Variants in NCOA2 observed in about 807,000 individuals in gnomAD.
NCOA2 encodes nuclear receptor coactivator 2.
A neutral mutation model predicts 145.1 loss-of-function variants in NCOA2; 21 were observed. The observed-to-expected ratio is 0.14, with a 90% CI of 0.10 to 0.21. The LOEUF (loss-of-function observed/expected upper bound fraction) is 0.21. Among genes scored for constraint, NCOA2 ranks in the 10% least tolerant of loss-of-function variants. The pLI is 1.00. For missense variants in NCOA2, 1,472 were observed against 1,837.6 expected (o/e 0.80, Z 3.64); for synonymous variants, 619 against 637.5 (o/e 0.97, Z 0.44).
intron 5 of NCOA2, among the ~76,000 whole-genome samples, chr8:70,171,117 C>T (rs868683818): frequency 6.6e-5 from 10 of 152,192 alleles, no homozygotes; most frequent in African/African-American, 4.8e-5. Flanking sequence ...AACAGTAGCA[C>T]GCTTCCGGTA....
At chr8:70,225,905 A>C (rs1204622456) in intron 2 of NCOA2, among the ~76,000 whole-genome samples, 1 of 152,116 alleles carries the variant, frequency 6.6e-6, no homozygotes, top group Non-Finnish European at 1.5e-5. Context: ...TTCATTTGTA[A>C]AACTGGAGCA....
At chr8:70,241,349 AT>A (rs1822114360) in intron 2 of NCOA2, among the ~76,000 whole-genome samples, 1 of 152,148 alleles carries the variant, frequency 6.6e-6, no homozygotes, top group Non-Finnish European at 1.5e-5. Context: ...AATCTCTGCT[AT>A]CCCAATTTTA....
intron 9 of NCOA2, among the ~76,000 whole-genome samples, chr8:70,161,373 T>C (rs1278616992): frequency 1.3e-5 from 2 of 152,322 alleles, no homozygotes; most frequent in South Asian, 2.1e-4. Flanking sequence ...TGTAATGAAA[T>C]AGTAGGTTAA....
intron 2 of NCOA2, among the ~76,000 whole-genome samples, chr8:70,258,869 A>T (rs1823877896): frequency 6.6e-6 from 1 of 152,254 alleles, no homozygotes; most frequent in Non-Finnish European, 1.5e-5. Context: ...GTAGGAACTC[A>T]ATAAATGTCA....
intron 4 of NCOA2, among the ~76,000 whole-genome samples, chr8:70,204,303 C>T (rs535354476): frequency 9.2e-5 from 14 of 152,174 alleles, no homozygotes; most frequent in African/African-American, 1.7e-4. Context: ...CCACCATGAC[C>T]GGCGAATAGG....
At chr8:70,256,389 G>C (rs542835462) in intron 2 of NCOA2, among the ~76,000 whole-genome samples, 46 of 152,324 alleles carry the variant, frequency 3.0e-4, no homozygotes, top group African/African-American at 1.1e-3. Flanking sequence ...CTAAAGGACA[G>C]ATTTTACAGT....
At chr8:70,449,269 T>G in the NCOA2 span, among the ~76,000 whole-genome samples, 1 of 152,192 alleles carries the variant, frequency 6.6e-6, no homozygotes. Flanking sequence ...CTGCTCTCAT[T>G]TATGCATTTA....
rs767913339 is a variant in NCOA2 at position 70,203,609 on chromosome 8, A to AT, written c.259+10293_259+10294insA. 5.5e-3 allele frequency among the ~76,000 whole-genome samples: 841 copies of AT among 152,264 alleles called. 2 individuals carry two copies. Among genetic ancestry groups the AT allele is most frequent in the Non-Finnish European group, 9.6e-3 (650 of 68,016 alleles). ...AAAAAGAAATAAGAAAGAAAGAAAC[A>AT]GAAAAACCTACTTTAAACCTAAGCT... On this transcript the variant is annotated intron_variant, in intron 4 of 22. Coordinates refer to ENST00000452400, the MANE Select transcript of NCOA2 (RefSeq NM_006540.4).
At chr8:70,207,810 C>T (rs1818601273) in intron 4 of NCOA2, among the ~76,000 whole-genome samples, 1 of 131,962 alleles carries the variant, frequency 7.6e-6, no homozygotes, top group African/African-American at 2.9e-5. Context: ...TTGCAGTGAA[C>T]TGAGATGGCG....
chr8:70,383,626 C>T (rs1812408654), intron 1 of NCOA2, among the ~76,000 whole-genome samples: 2 of 152,144 alleles, frequency 1.3e-5, no homozygotes, highest in Non-Finnish European at 2.9e-5. Flanking sequence ...CTGCCTCAGC[C>T]TCCCGAGTAG....
the NCOA2 span, among the ~76,000 whole-genome samples, chr8:70,438,861 T>TGTA: frequency 6.6e-6 from 1 of 152,174 alleles, no homozygotes. Flanking sequence ...GGGGTGGAAA[T>TGTA]GTAGTCATTG....
chr8:70,304,218 TATA>T (rs1827711287), intron 1 of NCOA2, among the ~76,000 whole-genome samples: 1 of 152,218 alleles, frequency 6.6e-6, no homozygotes, highest in Non-Finnish European at 1.5e-5. Flanking sequence ...CCTGTAATAT[TATA>T]ATACCATATT....
chr8:70,185,848 AT>A (rs1045024397), intron 4 of NCOA2, among the ~76,000 whole-genome samples: 1 of 152,084 alleles, frequency 6.6e-6, no homozygotes. Context: ...AGTCTCAAGT[AT>A]TTTTTTGGCA....
chr8:70,219,136 G>A (rs951776676), intron 2 of NCOA2, among the ~76,000 whole-genome samples: 1 of 152,296 alleles, frequency 6.6e-6, no homozygotes. Context: ...AGGGACCAGA[G>A]GGAGAGAGAA....
At chr8:70,300,519 C>G (rs146079103) in intron 1 of NCOA2, among the ~76,000 whole-genome samples, 1 of 152,094 alleles carries the variant, frequency 6.6e-6, no homozygotes, top group Admixed American at 6.5e-5. Flanking sequence ...TAACACCTCA[C>G]GAGTCTGAGG....
the NCOA2 span, among the ~76,000 whole-genome samples, chr8:70,437,852 T>TA: frequency 6.6e-6 from 1 of 152,208 alleles, no homozygotes; most frequent in Admixed American, 6.5e-5. Context: ...GTATTATACA[T>TA]ACATGTAACA....
At chr8:70,421,595 C>T in the NCOA2 span, among the ~76,000 whole-genome samples, 4 of 149,622 alleles carry the variant, frequency 2.7e-5, no homozygotes, top group Non-Finnish European at 5.9e-5. Flanking sequence ...AGTGTCTATA[C>T]GATAATAATT....
In NCOA2 at chr8:70,148,012, A is replaced by G. The variant is rs367760742; in HGVS notation, c.2605+261T>C. Among the ~76,000 whole-genome samples, 20 of 152,304 alleles carry G rather than the reference A, an allele frequency of 1.3e-4. No homozygotes were observed. In the East Asian group the frequency reaches 3.7e-3, roughly 28 times the overall value. ...CACTGAAATGAAGGGAAATATGACAATCAGTTGAAGAACTTCATCAATGTA... is the reference window on the plus strand; with the variant it reads ...CACTGAAATGAAGGGAAATATGACAGTCAGTTGAAGAACTTCATCAATGTA... On this transcript the variant is annotated intron_variant, in intron 12 of 22. Coordinates refer to ENST00000452400, the MANE Select transcript of NCOA2 (RefSeq NM_006540.4).
intron 2 of NCOA2, among the ~76,000 whole-genome samples, chr8:70,256,786 G>A (rs1823667503): frequency 6.6e-6 from 1 of 152,154 alleles, no homozygotes; most frequent in Non-Finnish European, 1.5e-5. Flanking sequence ...GTTAGGATTG[G>A]AATTCATGCA....
Sources: gnomAD v4.1 joint callset for allele counts (sites outside exome capture counted in the v4.1 genomes callset) on GRCh38, gnomAD v4.1.1 for gene constraint, MANE v1.5 for transcripts, NCBI Gene and HGNC (gene_info 2026-07-23, HGNC 2026-07-21) for gene names.